FAM169A: variants seen among roughly 807,000 people sequenced by gnomAD.
FAM169A encodes family with sequence similarity 169 member A.
In FAM169A, 24 loss-of-function variants were observed where a neutral mutation model predicts 75.7. That is an observed-to-expected ratio of 0.32 (90% CI 0.23 to 0.45). FAM169A has a LOEUF of 0.45. Ranked by LOEUF, FAM169A falls within the 20% of genes least tolerant of loss-of-function variation. FAM169A has a pLI of 1.00. For synonymous variants in FAM169A, 271 were observed against 271.0 expected, an observed-to-expected ratio of 1.00 and a Z score of 0.00; for missense variants, 673 against 784.0, an observed-to-expected ratio of 0.86 and a Z score of 1.69.
At chr5:74,826,248 C>A (rs1748019430) in intron 5 of FAM169A, among the ~76,000 whole-genome samples, 1 of 152,174 alleles carries the variant, frequency 6.6e-6, no homozygotes, top group Non-Finnish European at 1.5e-5. Context: ...GTCTTCTCCT[C>A]CAAATCTCTT....
rs546338391 is a variant in FAM169A at position 74,853,701 on chromosome 5, A to T, written c.-3-12022T>A. 4.2e-4 allele frequency among the ~76,000 whole-genome samples: 46 copies of T among 110,196 alleles called. 1 individual carries two copies. The South Asian group carries it at 8.3e-3, about 20-fold the overall frequency. The allele number at this position is 110,196 out of a possible 152,430, so 72.3% of individuals were successfully genotyped here. On this transcript the variant is annotated intron_variant, in intron 1 of 12. Transcript: ENST00000687041. ...CTAATCACTGTGACCCATCTTCAGAATTTTTTTTTTTTTTTTTTTTTTTTG... is the reference window on the plus strand; with the variant it reads ...CTAATCACTGTGACCCATCTTCAGATTTTTTTTTTTTTTTTTTTTTTTTTG...
rs776534725 is a variant in FAM169A at position 74,804,589 on chromosome 5, T to C, written c.816A>G (p.Glu272=). 2 of 1,605,196 alleles carry C rather than the reference T, an allele frequency of 1.2e-6. No individual in the cohort carries two copies. Among genetic ancestry groups the C allele is most frequent in the Non-Finnish European group, 1.7e-6 (2 of 1,174,064 alleles). Reference sequence around the variant, plus strand: ...ATTCTCCAGACATAGGTCTTTTAGGTTCATTTTGAGAAAGTGCTGCGTATA... The same window carrying C: ...ATTCTCCAGACATAGGTCTTTTAGGCTCATTTTGAGAAAGTGCTGCGTATA... The part of the protein sequence containing the change: ...ALKILALSQN[E]PKRPMSGEYG... Residue 272 remains glutamate, a synonymous_variant, in exon 8 of 13, where the codon GAA becomes GAG. Transcript: ENST00000687041.
chr5:74,856,832 A>C (rs571048254), intron 1 of FAM169A, among the ~76,000 whole-genome samples: 2 of 150,982 alleles, frequency 1.3e-5, no homozygotes, highest in African/African-American at 4.9e-5. Context: ...AAAAAAGGCC[A>C]GGTGCAGTGG....
At chr5:74,858,642 C>G (rs1749877336) in intron 1 of FAM169A, among the ~76,000 whole-genome samples, 1 of 152,106 alleles carries the variant, frequency 6.6e-6, no homozygotes, top group African/African-American at 2.4e-5. Context: ...ACTATGCACA[C>G]TACCTCAGTG....
At chr5:74,839,107 A>T (rs1259374686) in intron 3 of FAM169A, 57 bp from the exon 4 acceptor site, 1 of 1,203,456 alleles carries the variant, frequency 8.3e-7, no homozygotes, top group African/African-American at 1.5e-5. Context: ...TTTTAGACTT[A>T]ATAAGGCCAT....
At chr5:74,843,756 C>A (rs1179946791) in intron 1 of FAM169A, among the ~76,000 whole-genome samples, 2 of 152,152 alleles carry the variant, frequency 1.3e-5, no homozygotes, top group Non-Finnish European at 2.9e-5. Flanking sequence ...GTTAATTTAC[C>A]CATTATACTG....
At chr5:74,797,557 T>G (rs1746344650) in intron 10 of FAM169A, among the ~76,000 whole-genome samples, 1 of 152,236 alleles carries the variant, frequency 6.6e-6, no homozygotes, top group South Asian at 2.1e-4. Context: ...TTGCTCATGT[T>G]AGTGCTTTAG....
Position 74,781,404 on chromosome 5 carries a change from TA to T in FAM169A, c.*55del. The T allele has an allele frequency of 6.6e-7, 1 of 1,521,186 alleles. No homozygotes were observed. The highest frequency in any genetic ancestry group is 8.9e-7 in the Non-Finnish European group (1 of 1,121,646). 94.2% of individuals were successfully genotyped at this position (1,521,186 alleles called of 1,614,324 possible). On this transcript the variant is annotated 3_prime_UTR_variant, in exon 13 of 13. Transcript: ENST00000687041. ...ATGCTGTTTATTAATTACCATATTT[TA>T]AAAACAACAACTATGTTACAAAGAA...
intron 1 of FAM169A, among the ~76,000 whole-genome samples, chr5:74,863,205 T>A (rs767671134): frequency 3.9e-5 from 6 of 152,142 alleles, no homozygotes; most frequent in Non-Finnish European, 7.4e-5. Context: ...TCTGATAAAT[T>A]ATTAGTTTTT....
At position 74,781,370 on chromosome 5, in the gene FAM169A, C is replaced by T; in HGVS notation, c.*90G>A. 7.7e-7 allele frequency: 1 copy of T among 1,305,098 alleles called. No homozygotes were observed. The highest frequency in any genetic ancestry group is 1.5e-5 in the South Asian group (1 of 67,720). 80.8% of individuals were successfully genotyped at this position (1,305,098 alleles called of 1,614,324 possible). ...AATTGAAATTTTGGAAATTTTTGTC[C>T]TGTGCCCCATGCTGTTTATTAATTA... On this transcript the variant is annotated 3_prime_UTR_variant, in exon 13 of 13. Transcript: ENST00000687041.
intron 1 of FAM169A, among the ~76,000 whole-genome samples, chr5:74,852,942 T>C (rs1370987370): frequency 6.6e-6 from 1 of 152,204 alleles, no homozygotes; most frequent in Non-Finnish European, 1.5e-5. Flanking sequence ...GGTAAGTACC[T>C]TGTGCATAAA....
intron 11 of FAM169A, among the ~76,000 whole-genome samples, chr5:74,787,472 A>T (rs1745753095): frequency 6.6e-6 from 1 of 152,176 alleles, no homozygotes; most frequent in South Asian, 2.1e-4. Flanking sequence ...CCCAGCTGGG[A>T]GGGTCCAGAA....
chr5:74,827,331 T>C lies in FAM169A; in HGVS notation c.490+7095A>G, dbSNP rs550588828. Among the ~76,000 whole-genome samples the C allele has an allele frequency of 7.9e-5, 12 of 152,286 alleles. No individual in the cohort carries two copies. In the South Asian group the frequency reaches 2.5e-3, roughly 32 times the overall value. On this transcript the variant is annotated intron_variant, in intron 5 of 12. Transcript: ENST00000687041. ...CTGTTACCATCCATTGAACAAACTATTCCTTAACAGTTTTACACTGCTCCT... is the reference window on the plus strand; with the variant it reads ...CTGTTACCATCCATTGAACAAACTACTCCTTAACAGTTTTACACTGCTCCT...
chr5:74,803,530 G>A (rs6891959), intron 8 of FAM169A, among the ~76,000 whole-genome samples: 1 of 152,044 alleles, frequency 6.6e-6, no homozygotes, highest in African/African-American at 2.4e-5. Flanking sequence ...AATAAACTTA[G>A]ATACACACGT....
At chr5:74,823,195 T>G (rs1300212213) in intron 5 of FAM169A, among the ~76,000 whole-genome samples, 1 of 152,204 alleles carries the variant, frequency 6.6e-6, no homozygotes, top group Non-Finnish European at 1.5e-5. Context: ...TTAAGATCCT[T>G]TGCAATGGGA....
intron 9 of FAM169A, 76 bp from the exon 10 acceptor site, chr5:74,801,106 G>A: frequency 8.6e-7 from 1 of 1,168,456 alleles, no homozygotes; most frequent in Non-Finnish European, 1.2e-6. Flanking sequence ...ACACAGAAAT[G>A]CAAGAACTAC....
intron 5 of FAM169A, among the ~76,000 whole-genome samples, chr5:74,825,186 A>G (rs986081642): frequency 6.6e-6 from 1 of 152,162 alleles, no homozygotes. Context: ...TCTTATCCCA[A>G]TAAATTCAAA....
At chr5:74,803,551 T>C (rs1339495690) in intron 8 of FAM169A, among the ~76,000 whole-genome samples, 1 of 152,126 alleles carries the variant, frequency 6.6e-6, no homozygotes. Context: ...ACAACATATG[T>C]AGTGTTTCTA....
intron 5 of FAM169A, among the ~76,000 whole-genome samples, chr5:74,823,194 T>C (rs1414638840): frequency 6.6e-6 from 1 of 152,208 alleles, no homozygotes; most frequent in African/African-American, 2.4e-5. Flanking sequence ...ATTAAGATCC[T>C]TTGCAATGGG....
Sources: gnomAD v4.1 joint callset for allele counts (sites outside exome capture counted in the v4.1 genomes callset) on GRCh38, gnomAD v4.1.1 for gene constraint, MANE v1.5 for transcripts, NCBI Gene and HGNC (gene_info 2026-07-23, HGNC 2026-07-21) for gene names.